The following SLCO2A1 variants were observed in gnomAD, a reference collection of about 807,000 sequenced individuals.
SLCO2A1 encodes the protein solute carrier organic anion transporter family member 2A1, also known as matrin F/G 1.
SLCO2A1 carries 60 observed loss-of-function variants against 71.7 expected under a neutral mutation model. The ratio of observed to expected loss-of-function variants is 0.84; its 90% CI spans 0.68 to 1.04. SLCO2A1 has a LOEUF of 1.04. Among genes scored for constraint, SLCO2A1 ranks in the 50% least tolerant of loss-of-function variants. The pLI is 0.00. For missense variants in SLCO2A1, 745 were observed against 813.4 expected (o/e 0.92, Z 1.02); for synonymous variants, 308 against 326.7 (o/e 0.94, Z 0.62).
chr3:133,961,416 T>C (rs1442999504), intron 3 of SLCO2A1, among the ~76,000 whole-genome samples: 2 of 152,240 alleles, frequency 1.3e-5, no homozygotes, highest in Non-Finnish European at 2.9e-5. Flanking sequence ...CTCATTAATT[T>C]ATTTAATACA....
intron 3 of SLCO2A1, among the ~76,000 whole-genome samples, chr3:133,959,121 G>A (rs549716374): frequency 1.2e-4 from 18 of 152,340 alleles, no homozygotes; most frequent in Admixed American, 5.2e-4. Flanking sequence ...TGATACCTGC[G>A]TCACAGGGGA....
intron 4 of SLCO2A1, among the ~76,000 whole-genome samples, chr3:133,954,320 G>T (rs1933829233): frequency 6.7e-6 from 1 of 150,138 alleles, no homozygotes; most frequent in Non-Finnish European, 1.5e-5. Flanking sequence ...GCGCCACCAT[G>T]CCCAGCTAAT....
At chr3:133,947,524 C>A in intron 8 of SLCO2A1, 79 bp from the exon 9 acceptor site, 1 of 1,226,296 alleles carries the variant, frequency 8.2e-7, no homozygotes, top group South Asian at 1.6e-5. Context: ...AGCTGGATCA[C>A]TGAGAAGGAA....
chr3:133,990,185 T>A (rs2108064124), intron 1 of SLCO2A1, among the ~76,000 whole-genome samples: 1 of 152,394 alleles, frequency 6.6e-6, no homozygotes, highest in African/African-American at 2.4e-5. Context: ...TCTGTCTTCC[T>A]CCATTCTATT....
In SLCO2A1 at chr3:133,934,527, C is replaced by T; in HGVS notation, c.*186G>A. On this transcript the variant is annotated 3_prime_UTR_variant, in exon 14 of 14. Transcript: ENST00000310926. ...TTCTGGCCCACACAGCCCGGGTACACAGTGGCCCTTAGGAACTGTGGGGAG... is the reference window on the plus strand; with the variant it reads ...TTCTGGCCCACACAGCCCGGGTACATAGTGGCCCTTAGGAACTGTGGGGAG... The T allele has an allele frequency of 1.9e-6, 1 of 527,942 alleles. No individual in the cohort carries two copies. Among genetic ancestry groups the T allele is most frequent in the South Asian group, 2.2e-5 (1 of 46,260 alleles). 32.7% of individuals were successfully genotyped at this position (527,942 alleles called of 1,614,324 possible).
In SLCO2A1 at chr3:133,975,037, C is replaced by T. The variant is rs79042335; in HGVS notation, c.235-1212G>A. On this transcript the variant is annotated intron_variant, in intron 2 of 13. Coordinates refer to ENST00000310926, the MANE Select transcript of SLCO2A1 (RefSeq NM_005630.3). ...ACTTCTTTCAGAATTCCCATGACAC[C>T]ATCCTCTCCTGCTTCCCTTCCCCTG... Among the ~76,000 whole-genome samples the T allele has an allele frequency of 4.9e-3, 747 of 152,184 alleles. 6 individuals carry two copies. The highest frequency in any genetic ancestry group is 0.016 in the African/African-American group (652 of 41,514).
chr3:133,979,580 T>C lies in SLCO2A1; in HGVS notation c.135A>G (p.Gln45=). The change falls in exon 2 of 14, where the codon CAA becomes CAG. Residue 45 remains glutamine, a synonymous_variant. Transcript: ENST00000310926. ...TCTTGAAGTAGGCGCTGTACAGGAG[T>C]TGGCAGAGCTGCAGGAGGCCTTGGC... The part of the protein sequence containing the change: ...VLCQGLLQLC[Q]LLYSAYFKSS... 1 of 1,613,748 alleles carries C rather than the reference T, an allele frequency of 6.2e-7. No individual in the cohort carries two copies. Among genetic ancestry groups the C allele is most frequent in the Non-Finnish European group, 8.5e-7 (1 of 1,179,856 alleles).
At chr3:134,025,061 C>G (rs1410533240) in intron 1 of SLCO2A1, among the ~76,000 whole-genome samples, 2 of 152,086 alleles carry the variant, frequency 1.3e-5, no homozygotes, top group Non-Finnish European at 2.9e-5. Context: ...AAGCCCTGCT[C>G]TAGTCACACC....
intron 1 of SLCO2A1, among the ~76,000 whole-genome samples, chr3:134,022,982 C>T (rs1935620446): frequency 6.6e-6 from 1 of 152,108 alleles, no homozygotes; most frequent in African/African-American, 2.4e-5. Flanking sequence ...GCACATGTAC[C>T]ACCCCTAGAA....
intron 1 of SLCO2A1, among the ~76,000 whole-genome samples, chr3:133,999,298 G>T (rs931369539): frequency 6.6e-6 from 1 of 152,190 alleles, no homozygotes; most frequent in African/African-American, 2.4e-5. Flanking sequence ...TGGCAATGAT[G>T]CACACAGTTT....
At position 133,938,505 on chromosome 3, in the gene SLCO2A1, G is replaced by C. The variant is rs770991412; in HGVS notation, c.1626-12C>G. 1 of 1,613,812 alleles carries C rather than the reference G, an allele frequency of 6.2e-7. No individual in the cohort carries two copies. The highest frequency in any genetic ancestry group is 8.5e-7 in the Non-Finnish European group (1 of 1,179,764). On this transcript the variant is annotated splice_polypyrimidine_tract_variant and intron_variant, in intron 11 of 13. Coordinates refer to ENST00000310926, the MANE Select transcript of SLCO2A1 (RefSeq NM_005630.3). ...CCTGGTTCACCACACTGAAAAGACA[G>C]ACAGGAAATCAGCAGTGGGAGGATT...
chr3:134,011,419 A>T (rs1241404332), intron 1 of SLCO2A1, among the ~76,000 whole-genome samples: 1 of 152,200 alleles, frequency 6.6e-6, no homozygotes, highest in African/African-American at 2.4e-5. Flanking sequence ...AGGACTGAAG[A>T]AGAAGGAGGC....
At chr3:133,962,302 A>G (rs1003451370) in intron 3 of SLCO2A1, among the ~76,000 whole-genome samples, 4 of 151,896 alleles carry the variant, frequency 2.6e-5, no homozygotes, top group Non-Finnish European at 4.4e-5. Flanking sequence ...CTGGTCTCGA[A>G]CTCCTGACCT....
Position 133,963,811 on chromosome 3 carries a change from T to C in SLCO2A1, c.398-8618A>G, listed in dbSNP as rs1012536806. On this transcript the variant is annotated intron_variant, in intron 3 of 13. Transcript: ENST00000310926. ...TGGAACCTCATTCAGAATGTTCCAC[T>C]CTGAAGGACTTATTTCCTCATCTCC... Among the ~76,000 whole-genome samples, 22 of 140,154 alleles carry C rather than the reference T, an allele frequency of 1.6e-4. 1 individual carries two copies. The highest frequency in any genetic ancestry group is 3.0e-4 in the Admixed American group (4 of 13,522). 91.9% of individuals were successfully genotyped at this position (140,154 alleles called of 152,430 possible).
At chr3:133,979,073 C>T (rs1263205087) in intron 2 of SLCO2A1, among the ~76,000 whole-genome samples, 1 of 152,200 alleles carries the variant, frequency 6.6e-6, no homozygotes, top group African/African-American at 2.4e-5. Context: ...ATGTATGGGG[C>T]AGGGGCCCCA....
At chr3:133,988,384 T>C (rs1041814978) in intron 1 of SLCO2A1, among the ~76,000 whole-genome samples, 2 of 152,200 alleles carry the variant, frequency 1.3e-5, no homozygotes, top group African/African-American at 4.8e-5. Flanking sequence ...TCAGAAAATT[T>C]TTGAACCTAA....
In SLCO2A1 at chr3:133,935,885, G is replaced by T. The variant is rs1294137620; in HGVS notation, c.1703C>A (p.Ser568Tyr). Residue 568 changes from serine to tyrosine, a missense_variant, in exon 13 of 14, where the codon TCT (serine) becomes TAT (tyrosine). Coordinates refer to ENST00000310926, the MANE Select transcript of SLCO2A1 (RefSeq NM_005630.3). Reference sequence around the variant, plus strand: ...AATGGTGAGGCCATAGAGGGCTGGAGATGGCAGCCAGGCTGGAAGAGGGTT... The same window carrying T: ...AATGGTGAGGCCATAGAGGGCTGGATATGGCAGCCAGGCTGGAAGAGGGTT... Reference protein sequence around the residue: ...LLMRLLAWLPSPALYGLTIDH... With the variant: ...LLMRLLAWLPYPALYGLTIDH... The T allele has an allele frequency of 1.2e-6, 2 of 1,602,234 alleles. No homozygotes were observed. The highest frequency in any genetic ancestry group is 4.5e-5 in the East Asian group (2 of 44,654).
intron 1 of SLCO2A1, among the ~76,000 whole-genome samples, chr3:134,006,203 T>A (rs1935211636): frequency 6.6e-6 from 1 of 152,098 alleles, no homozygotes; most frequent in East Asian, 1.9e-4. Flanking sequence ...GCCTGGCTAA[T>A]TTTTTTATTT....
chr3:133,951,090 T>C, intron 6 of SLCO2A1, 118 bp downstream of exon 6: 5 of 1,387,182 alleles, frequency 3.6e-6, no homozygotes. Context: ...TGAAATTTGT[T>C]TAGATTTCAC....
Sources: gnomAD v4.1 joint callset for allele counts (sites outside exome capture counted in the v4.1 genomes callset) on GRCh38, gnomAD v4.1.1 for gene constraint, MANE v1.5 for transcripts, NCBI Gene and HGNC (gene_info 2026-07-23, HGNC 2026-07-21) for gene names.